The following ANKRD36C variants were observed in gnomAD, a reference collection of about 807,000 sequenced individuals.
The protein encoded by ANKRD36C is ankyrin repeat domain-containing protein 36C.
A neutral mutation model predicts 276.4 loss-of-function variants in ANKRD36C; 61 were observed. That is an observed-to-expected ratio of 0.22 (90% CI 0.18 to 0.27). The LOEUF is 0.27. Ranked by LOEUF, ANKRD36C falls within the 10% of genes least tolerant of loss-of-function variation. ANKRD36C has a pLI of 1.00. For missense variants in ANKRD36C, 1,447 were observed against 2,032.3 expected (o/e 0.71, Z 5.54); for synonymous variants, 483 against 680.1 (o/e 0.71, Z 4.51).
chr2:95,923,451 C>A, intron 32 of ANKRD36C, 44 bp downstream of exon 32: 4 of 1,597,648 alleles, frequency 2.5e-6, no homozygotes, highest in African/African-American at 1.3e-5. Context: ...AAGTTCTTTT[C>A]TATCTGGACT....
chr2:95,949,638 A>T (rs1223773536), intron 16 of ANKRD36C, among the ~76,000 whole-genome samples: 1 of 152,198 alleles, frequency 6.6e-6, no homozygotes, highest in African/African-American at 2.4e-5. Flanking sequence ...TGACAGAATG[A>T]TGTAAAAGAA....
rs75605953 is a variant in ANKRD36C at position 95,923,704 on chromosome 2, G to A, written c.2042-15C>T. 1.3e-5 allele frequency: 21 copies of A among 1,609,610 alleles called. No individual in the cohort carries two copies. The highest frequency in any genetic ancestry group is 1.7e-4 in the Middle Eastern group (1 of 6,046). On this transcript the variant is annotated splice_polypyrimidine_tract_variant and intron_variant, in intron 30 of 66. Transcript: ENST00000456556. ...CTGAGAAGACACTGAAAAGCAAAAG[G>A]GATACATAATCACTCATATGTAAAT...
intron 13 of ANKRD36C, among the ~76,000 whole-genome samples, chr2:95,954,691 C>CA (rs1361056277): frequency 6.6e-6 from 1 of 152,020 alleles, no homozygotes; most frequent in Non-Finnish European, 1.5e-5. Flanking sequence ...TTTTAAAATC[C>CA]AATTATCGTC....
intron 6 of ANKRD36C, among the ~76,000 whole-genome samples, chr2:95,965,904 A>G (rs1251312732): frequency 6.6e-6 from 1 of 152,110 alleles, no homozygotes; most frequent in Non-Finnish European, 1.5e-5. Flanking sequence ...GAATATGCAC[A>G]TATGTTGTAA....
At chr2:95,857,344 C>T (rs549887163) in exon 62 of ANKRD36C, 1 of 1,600,686 alleles carries the variant, frequency 6.2e-7, no homozygotes, top group African/African-American at 1.3e-5. Context: ...TTCAATTCCA[C>T]CTCTGCTGAT....
At chr2:95,874,794 A>C (rs1179419716) in intron 59 of ANKRD36C, among the ~76,000 whole-genome samples, 1 of 152,262 alleles carries the variant, frequency 6.6e-6, no homozygotes, top group African/African-American at 2.4e-5. Context: ...ACGAAGGACT[A>C]ATATCCAGAA....
chr2:95,853,515 T>C (rs1280538991), intron 64 of ANKRD36C, 194 bp downstream of exon 84: 2 of 450,032 alleles, frequency 4.4e-6, no homozygotes, highest in Admixed American at 4.1e-5. Flanking sequence ...TATAGGTGCA[T>C]TATAATAAAA....
chr2:95,891,114 A>G (rs1434923958), intron 46 of ANKRD36C, among the ~76,000 whole-genome samples: 4 of 151,470 alleles, frequency 2.6e-5, no homozygotes, highest in African/African-American at 9.7e-5. Context: ...AAATATTCCA[A>G]ATGCATCTGA....
Position 95,897,004 on chromosome 2 carries a change from T to G in ANKRD36C, c.2755+2141A>C, listed in dbSNP as rs1676569616. On this transcript the variant is annotated intron_variant, in intron 44 of 66. Transcript: ENST00000456556. ...CTGGAGAATTAAAGCAAAATTATGT[T>G]GTTCCCCAGAGCCCCTTATGCCTTG... Among the ~76,000 whole-genome samples the G allele has an allele frequency of 1.3e-5, 2 of 148,740 alleles. 1 individual carries two copies. The highest frequency in any genetic ancestry group is 3.0e-5 in the Non-Finnish European group (2 of 66,538).
At chr2:95,914,467 T>C (rs1330223331) in intron 38 of ANKRD36C, among the ~76,000 whole-genome samples, 164 bp from the exon 41 acceptor site, 1 of 151,478 alleles carries the variant, frequency 6.6e-6, no homozygotes, top group East Asian at 2.0e-4. Flanking sequence ...AGAAATACGC[T>C]GAGAAACGGG....
In ANKRD36C at chr2:95,920,566, TTCA is replaced by T. The variant is rs770920233; in HGVS notation, c.2245+1038_2245+1040del. 2.6e-4 allele frequency among the ~76,000 whole-genome samples: 35 copies of T among 132,898 alleles called. 14 individuals are homozygous for T. The East Asian group carries it at 9.1e-3, about 35-fold the overall frequency. 87.2% of individuals were successfully genotyped at this position (132,898 alleles called of 152,430 possible). A position where few individuals can be genotyped will look rare whatever the true frequency, so the allele number is the denominator to read the frequency against. ...ACTAGTTTATCCCTCTGAAACTTTC[TTCA>T]TCATGTCATGGCACCAAAGGATAAT... On this transcript the variant is annotated intron_variant, in intron 34 of 66. Transcript: ENST00000456556.
intron 6 of ANKRD36C, among the ~76,000 whole-genome samples, chr2:95,974,955 T>C (rs7563714): frequency 0.97 from 147,132 of 151,908 alleles, 71,284 homozygotes; most frequent in East Asian, 1. Context: ...TTTCCAGCTT[T>C]ATCCATGTCC....
intron 8 of ANKRD36C, among the ~76,000 whole-genome samples, chr2:95,961,465 T>A (rs1298642044): frequency 3.3e-5 from 5 of 152,116 alleles, no homozygotes; most frequent in Non-Finnish European, 7.4e-5. Context: ...TCATATTCAT[T>A]GAAAATAACC....
intron 34 of ANKRD36C, 132 bp from the exon 37 acceptor site, chr2:95,918,174 T>A: frequency 7.0e-7 from 1 of 1,418,752 alleles, no homozygotes. Flanking sequence ...TTCTACTTTG[T>A]GTCTTGGGAC....
intron 48 of ANKRD36C, among the ~76,000 whole-genome samples, chr2:95,888,881 T>A (rs984270554): frequency 1.3e-5 from 2 of 151,678 alleles, no homozygotes; most frequent in African/African-American, 4.8e-5. Context: ...TAATAAGTTT[T>A]ACATTCAGAA....
chr2:95,909,026 G>A (rs1327397457), intron 42 of ANKRD36C, among the ~76,000 whole-genome samples: 2 of 151,082 alleles, frequency 1.3e-5, no homozygotes, highest in Non-Finnish European at 3.0e-5. Flanking sequence ...ACATACACCT[G>A]AGAATCAATG....
intron 34 of ANKRD36C, 26 bp downstream of exon 34, chr2:95,921,581 A>T (rs1182672789): frequency 1.3e-6 from 2 of 1,595,242 alleles, no homozygotes; most frequent in East Asian, 2.3e-5. Context: ...ATTGAACATG[A>T]CATTAAATGT....
chr2:95,871,169 C>T (rs1320073919), intron 59 of ANKRD36C, among the ~76,000 whole-genome samples: 1 of 152,018 alleles, frequency 6.6e-6, no homozygotes, highest in Non-Finnish European at 1.5e-5. Context: ...CAGACAACGC[C>T]ACAAAAATAC....
At chr2:95,884,023 C>T (rs1381624174) in intron 54 of ANKRD36C, 150 bp downstream of exon 74, 39 of 887,336 alleles carry the variant, frequency 4.4e-5, no homozygotes, top group East Asian at 2.1e-4. Flanking sequence ...GCAGCATCAG[C>T]GTCACCCGAG....
Sources: allele counts gnomAD v4.1 joint callset (sites outside exome capture counted in the v4.1 genomes callset), GRCh38; gene constraint gnomAD v4.1.1; transcripts MANE v1.5; gene names NCBI Gene and HGNC (gene_info 2026-07-23, HGNC 2026-07-21).